The following FAM185A variants were observed in gnomAD, a reference collection of about 807,000 sequenced individuals.
FAM185A encodes the protein protein FAM185A.
A neutral mutation model predicts 45.7 loss-of-function variants in FAM185A; 21 were observed. That is an observed-to-expected ratio of 0.46 (90% CI 0.33 to 0.66). The LOEUF (loss-of-function observed/expected upper bound fraction) is 0.66. Among genes scored for constraint, FAM185A ranks in the 30% least tolerant of loss-of-function variants. The pLI is 0.03. For synonymous variants in FAM185A, 117 were observed against 194.0 expected (o/e 0.60, Z 3.30); for missense variants, 305 against 485.4 (o/e 0.63, Z 3.49).
chr7:102,826,578 A>G, the FAM185A span, among the ~76,000 whole-genome samples: 5 of 151,022 alleles, frequency 3.3e-5, no homozygotes, highest in Non-Finnish European at 7.4e-5. Flanking sequence ...TCTACAAAAA[A>G]TACAAAAATT....
Position 102,808,422 on chromosome 7 carries a change from T to G in FAM185A, c.*20T>G. On this transcript the variant is annotated 3_prime_UTR_variant, in exon 8 of 8. Transcript: ENST00000413034. ...GACTAAAACTGATTTGAGTTGGATT[T>G]ATGATTTTTAACAATGATTCGCAGA... The G allele has an allele frequency of 7.3e-7, 1 of 1,366,914 alleles. No individual in the cohort carries two copies. Among genetic ancestry groups the G allele is most frequent in the South Asian group, 1.2e-5 (1 of 80,024 alleles). 84.7% of individuals were successfully genotyped at this position (1,366,914 alleles called of 1,614,324 possible).
At chr7:102,756,562 CAGG>C (rs1275402755) in intron 2 of FAM185A, among the ~76,000 whole-genome samples, 1 of 152,094 alleles carries the variant, frequency 6.6e-6, no homozygotes, top group Non-Finnish European at 1.5e-5. Flanking sequence ...GAGGCTGAGG[CAGG>C]AGAATCGCTT....
chr7:102,823,808 AAG>A, the FAM185A span, among the ~76,000 whole-genome samples: 1 of 152,358 alleles, frequency 6.6e-6, no homozygotes, highest in Non-Finnish European at 1.5e-5. Flanking sequence ...AGTTTGGAAA[AAG>A]AGACGTTGCC....
intron 7 of FAM185A, among the ~76,000 whole-genome samples, chr7:102,798,676 G>A (rs1335443022): frequency 6.6e-6 from 1 of 152,028 alleles, no homozygotes; most frequent in Non-Finnish European, 1.5e-5. Flanking sequence ...AGAAGAAAAA[G>A]TTGAAAAAAC....
At chr7:102,833,196 G>C in the FAM185A span, among the ~76,000 whole-genome samples, 228 of 152,268 alleles carry the variant, frequency 1.5e-3, 1 homozygote, top group Non-Finnish European at 1.2e-3. Context: ...TCAAATGCCT[G>C]CTAACAAAAT....
At chr7:102,826,471 C>T in the FAM185A span, among the ~76,000 whole-genome samples, 5 of 151,650 alleles carry the variant, frequency 3.3e-5, no homozygotes, top group Admixed American at 3.3e-4. Context: ...CGTGGTGGCT[C>T]ATGCCTATAA....
At chr7:102,821,343 CAA>C in the FAM185A span, among the ~76,000 whole-genome samples, 2 of 152,250 alleles carry the variant, frequency 1.3e-5, no homozygotes, top group Admixed American at 1.3e-4. Flanking sequence ...GTCTATTTTA[CAA>C]GTAATTTTTC....
At chr7:102,782,499 C>T (rs1214376674) in intron 6 of FAM185A, among the ~76,000 whole-genome samples, 7 of 152,286 alleles carry the variant, frequency 4.6e-5, no homozygotes, top group South Asian at 4.1e-4. Flanking sequence ...CAATATTCAA[C>T]GTTCTTAAAG....
chr7:102,835,283 A>G, the FAM185A span, among the ~76,000 whole-genome samples: 19 of 152,184 alleles, frequency 1.2e-4, no homozygotes, highest in Admixed American at 1.1e-3. Flanking sequence ...GCTTGTCAGG[A>G]GATAGCTTGG....
intron 6 of FAM185A, among the ~76,000 whole-genome samples, chr7:102,785,472 C>G (rs1302898906): frequency 1.3e-4 from 20 of 151,976 alleles, no homozygotes; most frequent in African/African-American, 4.4e-4. Context: ...GTACTGGTAC[C>G]AAAACAGAGA....
intron 7 of FAM185A, among the ~76,000 whole-genome samples, chr7:102,796,457 T>C (rs1562874875): frequency 1.3e-5 from 2 of 152,208 alleles, no homozygotes; most frequent in Admixed American, 1.3e-4. Flanking sequence ...CAGGCGGGAA[T>C]GGGGTTTGTT....
intron 6 of FAM185A, among the ~76,000 whole-genome samples, chr7:102,781,960 A>T (rs1383045674): frequency 6.6e-6 from 1 of 152,250 alleles, no homozygotes; most frequent in African/African-American, 2.4e-5. Flanking sequence ...AAGTCCCTAA[A>T]GGACCTGATG....
chr7:102,841,340 C>T, the FAM185A span, among the ~76,000 whole-genome samples: 40 of 151,906 alleles, frequency 2.6e-4, no homozygotes, highest in Non-Finnish European at 4.4e-4. Flanking sequence ...AGGGCTCCTA[C>T]GGATTATCTT....
rs1488668831 is a variant in FAM185A, at chr7:102,774,749, T to G, written c.835+2299T>G. On this transcript the variant is annotated intron_variant, in intron 5 of 7. Transcript: ENST00000413034. ...CCAACTATACTGACTGATTTTTCTT[T>G]TAACATTATTTACTTGTTTATTATT... is the stretch of plus-strand genomic sequence containing the variant. 2.0e-5 allele frequency among the ~76,000 whole-genome samples: 3 copies of G among 152,134 alleles called. No individual in the cohort carries two copies. The South Asian group carries it at 6.2e-4, about 31-fold the overall frequency.
At chr7:102,825,040 T>C in the FAM185A span, among the ~76,000 whole-genome samples, 3 of 152,238 alleles carry the variant, frequency 2.0e-5, no homozygotes, top group South Asian at 2.1e-4. Context: ...TAGTTTATCA[T>C]TTACATATTT....
At chr7:102,755,437 C>G (rs990365966) in intron 2 of FAM185A, 3 of 644,532 alleles carry the variant, frequency 4.7e-6, no homozygotes, top group Non-Finnish European at 8.0e-6. Context: ...GCTGCTTAAG[C>G]TGGCCCACAA....
the FAM185A span, among the ~76,000 whole-genome samples, chr7:102,828,150 T>C: frequency 3.3e-5 from 5 of 152,188 alleles, no homozygotes; most frequent in Non-Finnish European, 7.3e-5. Flanking sequence ...GGGGATGGCA[T>C]TGAATCTATA....
rs1442191480 is a variant in FAM185A, at chr7:102,761,557, T to C, written c.793+146T>C. On this transcript the variant is annotated intron_variant, in intron 4 of 7. Transcript: ENST00000413034. ...ACCATCTTTTTAAAAAAAAAAACCA[T>C]AAAAATAAAATGACTCATAAAGCTA... 1.5e-5 allele frequency: 10 copies of C among 686,890 alleles called. No homozygotes were observed. The East Asian group carries it at 3.5e-4, about 24-fold the overall frequency. 42.5% of individuals were successfully genotyped at this position (686,890 alleles called of 1,614,324 possible).
intron 7 of FAM185A, among the ~76,000 whole-genome samples, chr7:102,788,223 C>T (rs1795937532): frequency 6.6e-6 from 1 of 152,156 alleles, no homozygotes; most frequent in Non-Finnish European, 1.5e-5. Context: ...CCCACCTCAG[C>T]CTCCCAAAGT....
Sources: allele counts gnomAD v4.1 joint callset (sites outside exome capture counted in the v4.1 genomes callset), GRCh38; gene constraint gnomAD v4.1.1; transcripts MANE v1.5; gene names NCBI Gene and HGNC (gene_info 2026-07-23, HGNC 2026-07-21).